Variants in CHRM5 observed in about 807,000 individuals in gnomAD.
CHRM5 encodes the protein muscarinic acetylcholine receptor M5.
A neutral mutation model predicts 39.0 loss-of-function variants in CHRM5; 18 were observed. The ratio of observed to expected loss-of-function variants is 0.46; its 90% CI spans 0.32 to 0.68. The LOEUF is 0.68. Among genes scored for constraint, CHRM5 ranks in the 30% least tolerant of loss-of-function variants. CHRM5 has a pLI of 0.04. For synonymous variants in CHRM5, 241 were observed against 246.3 expected (o/e 0.98, Z 0.20); for missense variants, 515 against 651.1 (o/e 0.79, Z 2.28).
At chr15:34,021,251 C>T (rs188700336) in intron 1 of CHRM5, among the ~76,000 whole-genome samples, 4 of 152,028 alleles carry the variant, frequency 2.6e-5, no homozygotes, top group African/African-American at 7.2e-5. Flanking sequence ...AGGCTACAGG[C>T]ACACACCACC....
At chr15:34,013,782 G>A (rs999292082) in intron 1 of CHRM5, among the ~76,000 whole-genome samples, 3 of 152,310 alleles carry the variant, frequency 2.0e-5, no homozygotes, top group African/African-American at 4.8e-5. Context: ...CCAGGCTTGT[G>A]AGCCAGTGGG....
At chr15:34,003,261 A>G in intron 1 of CHRM5, 1 of 1,560,498 alleles carries the variant, frequency 6.4e-7, no homozygotes, top group Non-Finnish European at 8.7e-7. Context: ...TCCTGACCTT[A>G]GTAGACTTCC....
At chr15:34,013,088 G>GTC (rs1719761990) in intron 1 of CHRM5, among the ~76,000 whole-genome samples, 1 of 151,736 alleles carries the variant, frequency 6.6e-6, no homozygotes, top group African/African-American at 2.4e-5. Flanking sequence ...TTGAGACAGA[G>GTC]TCTCACTCTG....
chr15:34,002,675 C>T (rs866077470), intron 1 of CHRM5, among the ~76,000 whole-genome samples: 31 of 152,228 alleles, frequency 2.0e-4, no homozygotes, highest in Middle Eastern at 3.4e-3. Flanking sequence ...ATTCTAGAAA[C>T]TTTATAATGC....
intron 1 of CHRM5, among the ~76,000 whole-genome samples, chr15:33,979,758 T>A (rs920801595): frequency 1.3e-5 from 2 of 152,218 alleles, no homozygotes; most frequent in African/African-American, 4.8e-5. Context: ...TCGTTAGGCA[T>A]CCTCAGGAAT....
rs116745302 is a variant in CHRM5 at position 34,015,995 on chromosome 15, G to A, written c.-407-30545G>A. Among the ~76,000 whole-genome samples the A allele has an allele frequency of 2.9e-3, 441 of 152,276 alleles. 2 individuals carry two copies. Among genetic ancestry groups the A allele is most frequent in the African/African-American group, 0.01 (418 of 41,532 alleles). ...ATTATGTGACATAAAACTGGAAAGC[G>A]GCTGGGCGCGGTGGCTCATGCCTGT... On this transcript the variant is annotated intron_variant, in intron 1 of 2. Transcript: ENST00000383263.
At chr15:34,038,398 G>C (rs1379035341) in intron 1 of CHRM5, among the ~76,000 whole-genome samples, 3 of 152,194 alleles carry the variant, frequency 2.0e-5, no homozygotes, top group Non-Finnish European at 4.4e-5. Flanking sequence ...GAGGGACCAC[G>C]TCGTGGCCGC....
intron 1 of CHRM5, among the ~76,000 whole-genome samples, chr15:33,972,829 TCA>T (rs1895700135): frequency 6.6e-6 from 1 of 152,158 alleles, no homozygotes; most frequent in African/African-American, 2.4e-5. Flanking sequence ...ATTCAGAGTA[TCA>T]GTCATTTGTG....
At chr15:33,992,755 C>T (rs1896783769) in intron 1 of CHRM5, among the ~76,000 whole-genome samples, 1 of 152,184 alleles carries the variant, frequency 6.6e-6, no homozygotes, top group African/African-American at 2.4e-5. Flanking sequence ...TTTAAAAGTA[C>T]AGGCTGCTAG....
chr15:34,012,647 G>A (rs571756683), intron 1 of CHRM5, among the ~76,000 whole-genome samples: 2 of 152,260 alleles, frequency 1.3e-5, no homozygotes, highest in South Asian at 4.1e-4. Context: ...AGGTTTTAAT[G>A]TCATCACATT....
intron 1 of CHRM5, among the ~76,000 whole-genome samples, chr15:34,006,765 C>A (rs1255917812): frequency 6.6e-6 from 1 of 152,128 alleles, no homozygotes; most frequent in African/African-American, 2.4e-5. Context: ...CATTAGCCTT[C>A]ATTCACAAGA....
chr15:33,988,632 C>T (rs1162184715), intron 1 of CHRM5, among the ~76,000 whole-genome samples: 6 of 152,282 alleles, frequency 3.9e-5, no homozygotes, highest in East Asian at 1.9e-4. Context: ...TACACACACA[C>T]GTCTTGCCTA....
At chr15:34,061,051 C>T (rs1204139543) in intron 2 of CHRM5, among the ~76,000 whole-genome samples, 12 of 151,528 alleles carry the variant, frequency 7.9e-5, no homozygotes, top group African/African-American at 1.9e-4. Context: ...TTCCCTTTAC[C>T]GCCCATTATC....
chr15:34,006,195 C>CA (rs1897331708), intron 1 of CHRM5, among the ~76,000 whole-genome samples: 1 of 152,024 alleles, frequency 6.6e-6, no homozygotes, highest in African/African-American at 2.4e-5. Flanking sequence ...CCTGTAGTCC[C>CA]AGCTACTCAG....
At chr15:34,060,541 C>T (rs1281774589) in intron 2 of CHRM5, among the ~76,000 whole-genome samples, 1 of 152,148 alleles carries the variant, frequency 6.6e-6, no homozygotes, top group African/African-American at 2.4e-5. Context: ...AGAAATACCC[C>T]ATTAAATAAA....
At chr15:34,000,470 A>T (rs1897095263) in intron 1 of CHRM5, among the ~76,000 whole-genome samples, 1 of 152,212 alleles carries the variant, frequency 6.6e-6, no homozygotes, top group Non-Finnish European at 1.5e-5. Flanking sequence ...GAACTCTCTC[A>T]TCTTTACCGT....
In CHRM5 at chr15:34,066,124, T is replaced by C. The variant is rs541098; in HGVS notation, c.*1808T>C. 118,402 of 152,212 alleles carry C rather than the reference T, an allele frequency of 0.78. 46,325 individuals carry two copies. Among genetic ancestry groups the C allele is most frequent in the East Asian group, 0.96 (4,962 of 5,160 alleles). 9.4% of individuals were successfully genotyped at this position (152,212 alleles called of 1,614,324 possible). On this transcript the variant is annotated 3_prime_UTR_variant, in exon 3 of 3. Coordinates refer to ENST00000383263, the MANE Select transcript of CHRM5 (RefSeq NM_012125.4). ...TTGACATGAAACATCTTGTAAGCAG[T>C]GCATCTGCTGAGCCTTTGTAAAGGG...
chr15:34,051,228 AC>A (rs1279111566), intron 2 of CHRM5, among the ~76,000 whole-genome samples: 1 of 152,220 alleles, frequency 6.6e-6, no homozygotes, highest in Admixed American at 6.5e-5. Context: ...AAACTGAACA[AC>A]CTACTCCTGA....
intron 1 of CHRM5, among the ~76,000 whole-genome samples, chr15:34,021,244 C>T (rs1263641410): frequency 6.6e-6 from 1 of 151,618 alleles, no homozygotes; most frequent in Non-Finnish European, 1.5e-5. Flanking sequence ...GTAGCTTAGG[C>T]TACAGGCACA....
Sources: allele counts gnomAD v4.1 joint callset (sites outside exome capture counted in the v4.1 genomes callset), GRCh38; gene constraint gnomAD v4.1.1; transcripts MANE v1.5; gene names NCBI Gene and HGNC (gene_info 2026-07-23, HGNC 2026-07-21).